The following PDE4D variants were observed in gnomAD, a reference collection of about 807,000 sequenced individuals.
PDE4D encodes phosphodiesterase 4D.
Under a neutral mutation model 87.4 loss-of-function variants are expected in PDE4D, and 24 were observed. The observed-to-expected ratio is 0.27, with a 90% CI of 0.20 to 0.39. The LOEUF (loss-of-function observed/expected upper bound fraction) is 0.39. PDE4D is among the 10% of genes least tolerant of loss of function. The pLI is 1.00. For synonymous variants in PDE4D, 384 were observed against 383.2 expected, an observed-to-expected ratio of 1.00 and a Z score of -0.02; for missense variants, 714 against 1,041.0, an observed-to-expected ratio of 0.69 and a Z score of 4.32.
In PDE4D at chr5:60,138,315, C is replaced by G. The variant is rs970464632; in HGVS notation, c.42+47242G>C. Reference sequence around the variant, plus strand: ...GCATCACTCTGTTTTGATGCAACCCCTTGTTAAAATATTGGGCAGAACACA... The same window carrying G: ...GCATCACTCTGTTTTGATGCAACCCGTTGTTAAAATATTGGGCAGAACACA... On this transcript the variant is annotated intron_variant, in intron 2 of 16. Transcript: ENST00000502484. Among the ~76,000 whole-genome samples, 7 of 152,158 alleles carry G rather than the reference C, an allele frequency of 4.6e-5. No homozygotes were observed. The East Asian group carries it at 9.7e-4, about 21-fold the overall frequency.
At chr5:59,273,451 T>C (rs1301403277) in intron 1 of PDE4D, among the ~76,000 whole-genome samples, 1 of 152,066 alleles carries the variant, frequency 6.6e-6, no homozygotes. Flanking sequence ...AATAGATGTG[T>C]CTAATATTTG....
intron 2 of PDE4D, among the ~76,000 whole-genome samples, chr5:59,194,033 C>T (rs1744912379): frequency 6.6e-6 from 1 of 152,184 alleles, no homozygotes; most frequent in African/African-American, 2.4e-5. Context: ...GCATCATACA[C>T]TAATAAAAAC....
chr5:59,244,660 A>G (rs6871017), intron 1 of PDE4D, among the ~76,000 whole-genome samples: 45,764 of 137,790 alleles, frequency 0.33, 7,860 homozygotes, highest in Admixed American at 0.43. Flanking sequence ...GTATAGATAT[A>G]TGTATGTATG....
At chr5:60,341,184 T>C (rs184248926) in intron 1 of PDE4D, among the ~76,000 whole-genome samples, 29 of 152,284 alleles carry the variant, frequency 1.9e-4, no homozygotes, top group Non-Finnish European at 3.7e-4. Flanking sequence ...CAGTAGAAAC[T>C]ACAAAACTCT....
intron 3 of PDE4D, among the ~76,000 whole-genome samples, chr5:59,983,744 C>T (rs868006856): frequency 3.3e-5 from 5 of 152,196 alleles, no homozygotes; most frequent in East Asian, 3.9e-4. Flanking sequence ...GTACCTACTA[C>T]GTATTGCTGG....
chr5:59,145,856 G>A (rs1778562133), intron 5 of PDE4D, among the ~76,000 whole-genome samples: 1 of 152,216 alleles, frequency 6.6e-6, no homozygotes. Context: ...GCTGGGCGCA[G>A]TGGCTCATGC....
At chr5:59,690,746 G>A (rs147884913) in intron 1 of PDE4D, among the ~76,000 whole-genome samples, 7,920 of 152,246 alleles carry the variant, frequency 0.052, 470 homozygotes, top group Admixed American at 0.18. Flanking sequence ...AAGAGCTTCT[G>A]CACAGCAGAA....
At chr5:59,524,535 T>A (rs760078637) in intron 1 of PDE4D, among the ~76,000 whole-genome samples, 2 of 152,160 alleles carry the variant, frequency 1.3e-5, no homozygotes, top group Non-Finnish European at 2.9e-5. Context: ...TGCAGCCTGA[T>A]GATGTAATAG....
chr5:60,321,168 C>A (rs1756227693), intron 1 of PDE4D, among the ~76,000 whole-genome samples: 1 of 152,086 alleles, frequency 6.6e-6, no homozygotes, highest in African/African-American at 2.4e-5. Context: ...CAACAGTAAC[C>A]AAAACAGCAT....
At chr5:59,565,975 C>T (rs564010003) in intron 1 of PDE4D, among the ~76,000 whole-genome samples, 123 of 151,874 alleles carry the variant, frequency 8.1e-4, no homozygotes, top group Non-Finnish European at 9.4e-4. Context: ...TTTGCTAATG[C>T]CACTAGGAAA....
At chr5:60,290,187 G>C (rs1752768324) in intron 1 of PDE4D, among the ~76,000 whole-genome samples, 1 of 152,090 alleles carries the variant, frequency 6.6e-6, no homozygotes, top group Non-Finnish European at 1.5e-5. Context: ...GTGTGGGGAT[G>C]GGTTGAGAAG....
intron 2 of PDE4D, among the ~76,000 whole-genome samples, chr5:60,073,710 A>G (rs1772982346): frequency 6.6e-6 from 1 of 151,832 alleles, no homozygotes; most frequent in Non-Finnish European, 1.5e-5. Flanking sequence ...ACAGTTCGTT[A>G]TTGGTCTGCT....
intron 3 of PDE4D, among the ~76,000 whole-genome samples, chr5:59,924,982 T>C (rs1755081081): frequency 2.0e-5 from 3 of 152,006 alleles, no homozygotes; most frequent in Non-Finnish European, 4.4e-5. Context: ...GAGACCATCC[T>C]GGCTAACATG....
chr5:59,667,375 G>C (rs1746254285), intron 1 of PDE4D, among the ~76,000 whole-genome samples: 1 of 152,030 alleles, frequency 6.6e-6, no homozygotes, highest in Non-Finnish European at 1.5e-5. Flanking sequence ...GCAGTGGTGG[G>C]ATCATGGCTC....
intron 1 of PDE4D, among the ~76,000 whole-genome samples, chr5:60,205,181 A>G (rs112213248): frequency 0.014 from 2,158 of 152,206 alleles, 56 homozygotes; most frequent in African/African-American, 0.05. Flanking sequence ...ACTTGAGCCC[A>G]GCTTCATGAC....
At chr5:59,857,719 A>G (rs1042170754) in intron 1 of PDE4D, among the ~76,000 whole-genome samples, 4 of 152,150 alleles carry the variant, frequency 2.6e-5, no homozygotes, top group Non-Finnish European at 4.4e-5. Context: ...TCTAAGATTC[A>G]TAAAATTTAC....
chr5:60,422,184 A>G (rs987888217), intron 1 of PDE4D, among the ~76,000 whole-genome samples: 2 of 152,196 alleles, frequency 1.3e-5, no homozygotes, highest in Non-Finnish European at 2.9e-5. Context: ...AATTCAGGAA[A>G]TACAGAGAAC....
At chr5:59,665,739 C>T (rs1745975544) in intron 1 of PDE4D, among the ~76,000 whole-genome samples, 1 of 152,136 alleles carries the variant, frequency 6.6e-6, no homozygotes, top group Non-Finnish European at 1.5e-5. Flanking sequence ...GGTCATTAGG[C>T]CTCCAGCCTT....
intron 1 of PDE4D, among the ~76,000 whole-genome samples, chr5:60,249,382 C>T (rs1472004447): frequency 6.6e-6 from 1 of 152,024 alleles, no homozygotes; most frequent in Non-Finnish European, 1.5e-5. Context: ...AGTTTTCTGA[C>T]TCTTAGTGAA....
Sources: gnomAD v4.1 joint callset for allele counts (sites outside exome capture counted in the v4.1 genomes callset) on GRCh38, gnomAD v4.1.1 for gene constraint, MANE v1.5 for transcripts, NCBI Gene and HGNC (gene_info 2026-07-23, HGNC 2026-07-21) for gene names.